Variants in CNTNAP2 observed in about 807,000 individuals in gnomAD.
CNTNAP2 encodes contactin associated protein 2.
CNTNAP2 carries 98 observed loss-of-function variants against 155.2 expected under a neutral mutation model. That is an observed-to-expected ratio of 0.63 (90% CI 0.54 to 0.75). The LOEUF is 0.75. Among genes scored for constraint, CNTNAP2 ranks in the 30% least tolerant of loss-of-function variants. The pLI, the probability that CNTNAP2 is intolerant of heterozygous loss-of-function variation, is 0.00. For synonymous variants in CNTNAP2, 651 were observed against 631.2 expected (o/e 1.03, Z -0.47); for missense variants, 1,727 against 1,688.1 (o/e 1.02, Z -0.40).
chr7:147,209,535 G>A (rs924067392), intron 8 of CNTNAP2, among the ~76,000 whole-genome samples: 18 of 151,952 alleles, frequency 1.2e-4, no homozygotes, highest in African/African-American at 4.3e-4. Context: ...TCAGTGAAGA[G>A]AGATCATTTG....
At chr7:146,646,999 A>C (rs1219725046) in intron 1 of CNTNAP2, among the ~76,000 whole-genome samples, 1 of 152,218 alleles carries the variant, frequency 6.6e-6, no homozygotes, top group African/African-American at 2.4e-5. Context: ...AAAGGCTCTG[A>C]GGCAGGGCAC....
intron 3 of CNTNAP2, among the ~76,000 whole-genome samples, chr7:146,878,979 A>G (rs574906262): frequency 2.0e-5 from 3 of 152,342 alleles, no homozygotes; most frequent in South Asian, 2.1e-4. Flanking sequence ...CTTCAACAAA[A>G]TATCAGTTGT....
chr7:146,539,668 A>G (rs892438217), intron 1 of CNTNAP2, among the ~76,000 whole-genome samples: 2 of 152,110 alleles, frequency 1.3e-5, no homozygotes, highest in Non-Finnish European at 2.9e-5. Context: ...GTAGATTTAG[A>G]TAAGATGAGG....
At chr7:147,431,761 C>T (rs542149488) in intron 10 of CNTNAP2, among the ~76,000 whole-genome samples, 12 of 152,238 alleles carry the variant, frequency 7.9e-5, no homozygotes, top group Non-Finnish European at 1.6e-4. Context: ...CCATGACATC[C>T]CACTCTTGTT....
intron 1 of CNTNAP2, among the ~76,000 whole-genome samples, chr7:146,687,760 G>A (rs569141516): frequency 7.4e-4 from 113 of 152,300 alleles, no homozygotes; most frequent in African/African-American, 2.6e-3. Context: ...AATGCAACCA[G>A]GAGGGGCGAA....
chr7:147,623,065 G>A (rs567332836), intron 12 of CNTNAP2, among the ~76,000 whole-genome samples: 1 of 152,152 alleles, frequency 6.6e-6, no homozygotes, highest in Non-Finnish European at 1.5e-5. Context: ...ATTTAACCAG[G>A]AAGAAATCCA....
At chr7:147,135,558 G>C (rs926073431) in intron 8 of CNTNAP2, among the ~76,000 whole-genome samples, 2 of 151,664 alleles carry the variant, frequency 1.3e-5, no homozygotes, top group East Asian at 3.9e-4. Flanking sequence ...AATAATAGCT[G>C]TTCATTCTGG....
chr7:147,328,563 G>A (rs888464508), intron 9 of CNTNAP2, among the ~76,000 whole-genome samples: 1 of 152,102 alleles, frequency 6.6e-6, no homozygotes, highest in Non-Finnish European at 1.5e-5. Flanking sequence ...TTCCATCTCT[G>A]GAAATATTAT....
chr7:146,491,489 G>A (rs545856499), intron 1 of CNTNAP2, among the ~76,000 whole-genome samples: 12 of 151,932 alleles, frequency 7.9e-5, no homozygotes, highest in South Asian at 2.1e-4. Context: ...AGATTAGGGC[G>A]TTTTGGAATT....
Position 147,151,346 on chromosome 7 carries a change from A to G in CNTNAP2, c.1348+18837A>G, listed in dbSNP as rs140412432. 4.6e-5 allele frequency among the ~76,000 whole-genome samples: 7 copies of G among 152,312 alleles called. No individual in the cohort carries two copies. The East Asian group carries it at 1.4e-3, about 29-fold the overall frequency. On this transcript the variant is annotated intron_variant, in intron 8 of 23. Transcript: ENST00000361727. ...TGTAACGGGAATGATAAACATGAGTATAATTACTCTTTTGTAATGTTAGGC... is the reference window on the plus strand; with the variant it reads ...TGTAACGGGAATGATAAACATGAGTGTAATTACTCTTTTGTAATGTTAGGC...
intron 1 of CNTNAP2, among the ~76,000 whole-genome samples, chr7:146,307,879 A>G (rs1256220945): frequency 4.1e-5 from 5 of 121,776 alleles, no homozygotes; most frequent in Admixed American, 3.7e-4. Flanking sequence ...TAAAAACCCT[A>G]GAAAACCCAG....
chr7:147,570,649 A>G (rs1017232213), intron 12 of CNTNAP2, among the ~76,000 whole-genome samples: 4 of 152,202 alleles, frequency 2.6e-5, no homozygotes, highest in Non-Finnish European at 4.4e-5. Context: ...AACTCATCCA[A>G]TAACTCATGA....
intron 1 of CNTNAP2, among the ~76,000 whole-genome samples, chr7:146,323,696 C>G (rs1801044513): frequency 6.6e-6 from 1 of 151,972 alleles, no homozygotes; most frequent in African/African-American, 2.4e-5. Context: ...AACTATAGGA[C>G]AAGCATATTT....
chr7:147,110,125 A>G (rs932006870), intron 5 of CNTNAP2, among the ~76,000 whole-genome samples: 1 of 151,996 alleles, frequency 6.6e-6, no homozygotes, highest in East Asian at 1.9e-4. Context: ...GGGTTTCACC[A>G]TGTTGGCCAG....
chr7:147,729,428 G>GCACACACACGCACACACACACGCA (rs1796701690), intron 13 of CNTNAP2, among the ~76,000 whole-genome samples: 1 of 149,212 alleles, frequency 6.7e-6, no homozygotes, highest in East Asian at 2.0e-4. Context: ...ACACACACAC[G>GCACACACACGCACACACACACGCA]CACACACACA....
chr7:147,808,276 C>T (rs955255469), intron 13 of CNTNAP2, among the ~76,000 whole-genome samples: 2 of 152,092 alleles, frequency 1.3e-5, no homozygotes, highest in Non-Finnish European at 2.9e-5. Context: ...CATCGAGGCC[C>T]GGAAAGGGCA....
At chr7:147,063,306 T>C (rs1799718178) in intron 4 of CNTNAP2, among the ~76,000 whole-genome samples, 2 of 152,272 alleles carry the variant, frequency 1.3e-5, no homozygotes, top group Non-Finnish European at 1.5e-5. Flanking sequence ...CTTAAAATAG[T>C]TGTGAAAGAA....
intron 13 of CNTNAP2, among the ~76,000 whole-genome samples, chr7:147,719,483 A>G (rs1796531524): frequency 6.6e-6 from 1 of 152,104 alleles, no homozygotes; most frequent in South Asian, 2.1e-4. Flanking sequence ...GCTTCTGTAC[A>G]CAGACCTCAT....
chr7:146,249,923 C>T (rs756873383), intron 1 of CNTNAP2, among the ~76,000 whole-genome samples: 20 of 151,940 alleles, frequency 1.3e-4, no homozygotes, highest in Non-Finnish European at 1.8e-4. Context: ...TTGAATGCTA[C>T]GTCTTAGGGC....
Sources: gnomAD v4.1 joint callset for allele counts (sites outside exome capture counted in the v4.1 genomes callset) on GRCh38, gnomAD v4.1.1 for gene constraint, MANE v1.5 for transcripts, NCBI Gene and HGNC (gene_info 2026-07-23, HGNC 2026-07-21) for gene names.